The following ZNF746 variants were observed in gnomAD, a reference collection of about 807,000 sequenced individuals.
ZNF746 encodes the protein parkin-interacting substrate.
ZNF746 carries 13 observed loss-of-function variants against 41.0 expected under a neutral mutation model. The observed-to-expected ratio is 0.32, with a 90% CI of 0.21 to 0.50. The LOEUF is 0.50. Ranked by LOEUF, ZNF746 falls within the 20% of genes least tolerant of loss-of-function variation. The pLI is 0.98. For synonymous variants in ZNF746, 424 were observed against 396.2 expected (o/e 1.07, Z -0.83); for missense variants, 811 against 922.9 (o/e 0.88, Z 1.57).
chr7:149,486,105 C>T (rs1057307549), intron 4 of ZNF746, among the ~76,000 whole-genome samples: 1 of 152,120 alleles, frequency 6.6e-6, no homozygotes, highest in East Asian at 1.9e-4. Flanking sequence ...GAAGGACAAA[C>T]GGCTCACCAG....
Position 149,497,594 on chromosome 7 carries a change from G to A in ZNF746, c.-58C>T. ...GTCGTCGTCGCCGCCGCCGCGCGCG[G>A]CACCACGCAGGCCCGGCCGCCCGGT... On this transcript the variant is annotated 5_prime_UTR_variant, in exon 1 of 7. Coordinates refer to ENST00000458143, the MANE Select transcript of ZNF746 (RefSeq NM_001394198.1). This position sits in a 1 kb window ranked among gnomAD's most constrained non-coding sequence, Gnocchi z 4.2. The A allele has an allele frequency of 9.7e-7, 1 of 1,034,174 alleles. No individual in the cohort carries two copies. The highest frequency in any genetic ancestry group is 1.2e-6 in the Non-Finnish European group (1 of 864,746). The allele number at this position is 1,034,174 out of a possible 1,614,324, so 64.1% of individuals were successfully genotyped here.
intron 3 of ZNF746, 35 bp from the exon 4 acceptor site, chr7:149,493,007 T>C (rs13311996): frequency 0.27 from 382,327 of 1,440,044 alleles, 55,722 homozygotes; most frequent in Non-Finnish European, 0.3. Context: ...TTTGCCACGT[T>C]CCAGTCAAAG....
chr7:149,480,821 T>C (rs982290347), intron 4 of ZNF746, among the ~76,000 whole-genome samples: 8 of 152,086 alleles, frequency 5.3e-5, no homozygotes, highest in African/African-American at 9.7e-5. Flanking sequence ...AACTAGAAGA[T>C]AGAAGAAATT....
Sources: allele counts gnomAD v4.1 joint callset (sites outside exome capture counted in the v4.1 genomes callset), GRCh38; gene constraint gnomAD v4.1.1; non-coding constraint Gnocchi (gnomAD v3.1); transcripts MANE v1.5; gene names NCBI Gene and HGNC (gene_info 2026-07-23, HGNC 2026-07-21).